Variants in COLEC11 observed in about 807,000 individuals in gnomAD.
COLEC11 encodes collectin subfamily member 11.
A neutral mutation model predicts 27.3 loss-of-function variants in COLEC11; 20 were observed. That is an observed-to-expected ratio of 0.73 (90% CI 0.51 to 1.06). COLEC11 has a LOEUF of 1.06. Ranked by LOEUF, COLEC11 falls within the 50% of genes least tolerant of loss-of-function variation. The pLI is 0.00. For missense variants in COLEC11, 310 were observed against 383.0 expected (o/e 0.81, Z 1.59); for synonymous variants, 163 against 154.7 (o/e 1.05, Z -0.40).
intron 3 of COLEC11, among the ~76,000 whole-genome samples, chr2:3,618,045 T>C (rs1558501611): frequency 6.6e-6 from 1 of 152,248 alleles, no homozygotes; most frequent in Non-Finnish European, 1.5e-5. Flanking sequence ...GGTTATTTGT[T>C]TTTCGGCTAT....
intron 1 of COLEC11, among the ~76,000 whole-genome samples, chr2:3,603,083 G>A (rs554865265): frequency 2.6e-4 from 39 of 152,362 alleles, no homozygotes; most frequent in Middle Eastern, 6.8e-3. Flanking sequence ...GGAAGTATCC[G>A]GAAGCATGGC....
Position 3,611,019 on chromosome 2 carries a change from G to A in COLEC11, c.131-2292G>A, listed in dbSNP as rs148554058. ...GAGTTACTTTTCTCTGATTTTCCCC[G>A]TGTGGTTCTCCGCAGGCCCTTTCAC... On this transcript the variant is annotated intron_variant, in intron 2 of 6. Transcript: ENST00000349077. 2.9e-3 allele frequency among the ~76,000 whole-genome samples: 444 copies of A among 152,144 alleles called. 6 individuals carry two copies. The highest frequency in any genetic ancestry group is 9.5e-3 in the African/African-American group (393 of 41,484).
chr2:3,617,837 C>T (rs1663889522), intron 3 of COLEC11: 2 of 643,410 alleles, frequency 3.1e-6, no homozygotes, highest in Non-Finnish European at 5.6e-6. Context: ...CCTTTCTCCA[C>T]ATCTTCTCCA....
At chr2:3,596,246 A>T (rs1432304869) in intron 1 of COLEC11, among the ~76,000 whole-genome samples, 1 of 152,154 alleles carries the variant, frequency 6.6e-6, no homozygotes, top group African/African-American at 2.4e-5. Context: ...TGGTGCCTGT[A>T]AGATGCTGGG....
intron 1 of COLEC11, among the ~76,000 whole-genome samples, chr2:3,598,216 G>T (rs1176791527): frequency 4.6e-5 from 7 of 152,176 alleles, no homozygotes; most frequent in African/African-American, 1.7e-4. Flanking sequence ...GATTACAAAC[G>T]TGAGCCACTG....
chr2:3,603,774 T>C lies in COLEC11; in HGVS notation c.-26-541T>C, dbSNP rs529806127. ...TGGGTTCCTAAGGCCGGGGCTCCTC[T>C]CTCCTTACTGATCTCACCGAGGAAG... is the stretch of plus-strand genomic sequence containing the variant. On this transcript the variant is annotated intron_variant, in intron 1 of 6. Coordinates refer to ENST00000349077, the MANE Select transcript of COLEC11 (RefSeq NM_024027.5). 200 of 1,048,498 alleles carry C rather than the reference T, an allele frequency of 1.9e-4. 1 individual carries two copies. In the South Asian group the frequency reaches 2.4e-3, roughly 12 times the overall value. The allele number at this position is 1,048,498 out of a possible 1,614,324, so 64.9% of individuals were successfully genotyped here. A position where few individuals can be genotyped will look rare whatever the true frequency, so the allele number is the denominator to read the frequency against.
chr2:3,595,879 G>A (rs1466980071), intron 1 of COLEC11, among the ~76,000 whole-genome samples: 1 of 152,226 alleles, frequency 6.6e-6, no homozygotes, highest in Non-Finnish European at 1.5e-5. Flanking sequence ...CATCTCATGT[G>A]CATAGCTGGA....
intron 3 of COLEC11, among the ~76,000 whole-genome samples, chr2:3,627,815 C>T (rs768659680): frequency 3.3e-5 from 5 of 150,834 alleles, no homozygotes; most frequent in Admixed American, 1.3e-4. Context: ...ATGCTGCACA[C>T]GATGATGCTG....
intron 1 of COLEC11, 88 bp from the exon 2 acceptor site, chr2:3,604,227 T>C (rs952680851): frequency 2.7e-6 from 4 of 1,469,998 alleles, no homozygotes; most frequent in Non-Finnish European, 3.8e-6. Flanking sequence ...CCAGGAGGGC[T>C]ACACCCCTTG....
At position 3,604,326 on chromosome 2, in the gene COLEC11, C is replaced by T. The variant is rs1362868407; in HGVS notation, c.-15C>T. 6.2e-7 allele frequency: 1 copy of T among 1,614,198 alleles called. No individual in the cohort carries two copies. The highest frequency in any genetic ancestry group is 2.2e-5 in the East Asian group (1 of 44,884). Reference sequence around the variant, plus strand: ...CTTCCTCTGTGTAGGAGTTGGTGTCCTGCCTGCGCTCAGGATGAGGGGGAA... The same window carrying T: ...CTTCCTCTGTGTAGGAGTTGGTGTCTTGCCTGCGCTCAGGATGAGGGGGAA... On this transcript the variant is annotated 5_prime_UTR_variant, in exon 2 of 7. Transcript: ENST00000349077.
chr2:3,614,220 A>G, intron 3 of COLEC11, among the ~76,000 whole-genome samples: 1 of 151,480 alleles, frequency 6.6e-6, no homozygotes, highest in East Asian at 1.9e-4. Flanking sequence ...CAAGTAATAC[A>G]TTTTTTCCAA....
At chr2:3,604,986 T>G (rs1007147388) in intron 2 of COLEC11, 2 of 441,578 alleles carry the variant, frequency 4.5e-6, no homozygotes, top group African/African-American at 4.2e-5. Flanking sequence ...CTTGTTGCTT[T>G]GTCTGTAATC....
intron 3 of COLEC11, among the ~76,000 whole-genome samples, chr2:3,614,401 T>G (rs1315992833): frequency 1.3e-5 from 2 of 152,142 alleles, no homozygotes; most frequent in Admixed American, 6.5e-5. Flanking sequence ...AATATATATT[T>G]AAGCCCATAC....
At chr2:3,600,586 G>A (rs754603177) in intron 1 of COLEC11, among the ~76,000 whole-genome samples, 4 of 152,194 alleles carry the variant, frequency 2.6e-5, no homozygotes, top group Non-Finnish European at 5.9e-5. Context: ...AACGCATAAT[G>A]TGTAGGAATC....
intron 3 of COLEC11, chr2:3,626,239 G>T: frequency 1.3e-6 from 1 of 797,724 alleles, no homozygotes; most frequent in Non-Finnish European, 2.2e-6. Flanking sequence ...CTGGGAGGGA[G>T]GAATATTGTT....
chr2:3,603,344 A>C (rs1040224323), intron 1 of COLEC11: 1 of 229,914 alleles, frequency 4.3e-6, no homozygotes, highest in African/African-American at 2.3e-5. Context: ...TTTGGGACGG[A>C]GTCTCGCTGT....
At chr2:3,608,207 C>T (rs1020279833) in intron 2 of COLEC11, among the ~76,000 whole-genome samples, 4 of 152,160 alleles carry the variant, frequency 2.6e-5, no homozygotes, top group African/African-American at 9.7e-5. Context: ...GCAGGGAAGC[C>T]AAGCAAACAG....
intron 3 of COLEC11, among the ~76,000 whole-genome samples, chr2:3,629,930 A>G (rs577411569): frequency 3.0e-4 from 46 of 152,328 alleles, no homozygotes; most frequent in African/African-American, 1.1e-3. Flanking sequence ...GCATGTTTAT[A>G]TGTACATATA....
chr2:3,629,338 A>G (rs897855073), intron 3 of COLEC11, among the ~76,000 whole-genome samples: 3 of 152,162 alleles, frequency 2.0e-5, no homozygotes, highest in Non-Finnish European at 2.9e-5. Flanking sequence ...AGCTCACACC[A>G]ATAGGTCCCA....
Sources: gnomAD v4.1 joint callset for allele counts (sites outside exome capture counted in the v4.1 genomes callset) on GRCh38, gnomAD v4.1.1 for gene constraint, MANE v1.5 for transcripts, NCBI Gene and HGNC (gene_info 2026-07-23, HGNC 2026-07-21) for gene names.